The following DRAP1 variants were observed in gnomAD, a reference collection of about 807,000 sequenced individuals.
The protein encoded by DRAP1 is dr1-associated corepressor.
Under a neutral mutation model 24.1 loss-of-function variants are expected in DRAP1, and 10 were observed. The observed-to-expected ratio is 0.41, with a 90% CI of 0.26 to 0.70. The LOEUF (loss-of-function observed/expected upper bound fraction) is 0.70, where lower values mean the gene tolerates loss of function less well. Ranked by LOEUF, DRAP1 falls within the 30% of genes least tolerant of loss-of-function variation. The probability of loss-of-function intolerance (pLI) is 0.29; values close to 1 mark genes in which losing one functional copy is unlikely to be tolerated. For missense variants in DRAP1, 264 were observed against 275.6 expected (o/e 0.96, Z 0.30); for synonymous variants, 122 against 113.8 (o/e 1.07, Z -0.46).
chr11:65,920,852 C>T (rs764614235), intron 5 of DRAP1, 32 bp from the exon 6 acceptor site: 21 of 1,586,604 alleles, frequency 1.3e-5, no homozygotes, highest in East Asian at 2.2e-5. Context: ...CGTGTCTTTT[C>T]TTGTCAACTC....
At position 65,921,354 on chromosome 11, in the gene DRAP1, C is replaced by A; in HGVS notation, c.537C>A (p.Phe179Leu). 1 of 1,609,452 alleles carries A rather than the reference C, an allele frequency of 6.2e-7. No homozygotes were observed. Among genetic ancestry groups the A allele is most frequent in the Non-Finnish European group, 8.5e-7 (1 of 1,176,050 alleles). ...GCCCCCCGACACCCTTCCTGCCCTT[C>A]GCCTCTACTCTGCCTTTGCCCCCAG... ...FQSPPTPFLPFASTLPLPPAP... is the reference protein window; with the variant it reads ...FQSPPTPFLPLASTLPLPPAP... Residue 179 changes from phenylalanine to leucine, a missense_variant, in exon 7 of 7, where the codon TTC (phenylalanine) becomes TTA (leucine). Transcript: ENST00000312515.
chr11:65,919,932 C>T lies in DRAP1; in HGVS notation c.116-16C>T. 6.2e-7 allele frequency: 1 copy of T among 1,613,780 alleles called. No homozygotes were observed. The highest frequency in any genetic ancestry group is 8.5e-7 in the Non-Finnish European group (1 of 1,179,888). On this transcript the variant is annotated splice_polypyrimidine_tract_variant and intron_variant, in intron 2 of 6. Coordinates refer to ENST00000312515, the MANE Select transcript of DRAP1 (RefSeq NM_006442.4). ...TCGCCCTCTCCTGCCCCGGAGTTCTCCTTGACGCTCCTCAGCCCGGGCGCT... is the reference window on the plus strand; with the variant it reads ...TCGCCCTCTCCTGCCCCGGAGTTCTTCTTGACGCTCCTCAGCCCGGGCGCT...
chr11:65,920,282 C>G lies in DRAP1; in HGVS notation c.210-61C>G, dbSNP rs552804967. Reference sequence around the variant, plus strand: ...GACATCTGGGGCCCCTTGCTGCCACCCACTGCGGGTTTGGGTGTCTGGGCC... The same window carrying G: ...GACATCTGGGGCCCCTTGCTGCCACGCACTGCGGGTTTGGGTGTCTGGGCC... On this transcript the variant is annotated intron_variant, in intron 3 of 6. Transcript: ENST00000312515. 5.4e-5 allele frequency: 86 copies of G among 1,606,912 alleles called. No homozygotes were observed. In the East Asian group the frequency reaches 1.9e-3, roughly 35 times the overall value.
At chr11:65,921,274 CT>C in intron 6 of DRAP1, 55 bp from the exon 7 acceptor site, 2 of 1,071,350 alleles carry the variant, frequency 1.9e-6, no homozygotes, top group South Asian at 1.4e-5. Context: ...GCAGCTGCCC[CT>C]GTGGAGGGCA....
chr11:65,919,462 G>T lies in DRAP1; in HGVS notation c.-40G>T. 2 of 1,515,324 alleles carry T rather than the reference G, an allele frequency of 1.3e-6. No individual in the cohort carries two copies. Among genetic ancestry groups the T allele is most frequent in the South Asian group, 2.5e-5 (2 of 80,352 alleles). 93.9% of individuals were successfully genotyped at this position (1,515,324 alleles called of 1,614,324 possible). On this transcript the variant is annotated 5_prime_UTR_variant, in exon 1 of 7. Coordinates refer to ENST00000312515, the MANE Select transcript of DRAP1 (RefSeq NM_006442.4). The stretch of plus-strand genomic sequence containing the variant: ...AGGCCCGGGAGCCGGGAGGCTGCGG[G>T]CGGCGGCGCTGGACCCGACGCGGCG...
chr11:65,920,053 G>C lies in DRAP1; in HGVS notation c.209+12G>C. 1 of 1,611,996 alleles carries C rather than the reference G, an allele frequency of 6.2e-7. No individual in the cohort carries two copies. Reference sequence around the variant, plus strand: ...ACCACATCCCACCTGTGAGCGGCGAGGAGCCGGGAGGGGCCGGCGGGTTTG... The same window carrying C: ...ACCACATCCCACCTGTGAGCGGCGACGAGCCGGGAGGGGCCGGCGGGTTTG... On this transcript the variant is annotated intron_variant, in intron 3 of 6. Transcript: ENST00000312515.
intron 1 of DRAP1, 114 bp downstream of exon 1, chr11:65,919,657 C>T (rs867958994): frequency 6.6e-7 from 1 of 1,512,460 alleles, no homozygotes; most frequent in Non-Finnish European, 8.9e-7. Context: ...ACGCCCCGCC[C>T]CCTCCATGCC....
At chr11:65,920,793 T>C in intron 5 of DRAP1, 91 bp from the exon 6 acceptor site, 7 of 1,475,760 alleles carry the variant, frequency 4.7e-6, no homozygotes, top group Middle Eastern at 1.8e-4. Context: ...ATTTGTAAAT[T>C]GGGGCTATGA....
At position 65,920,558 on chromosome 11, in the gene DRAP1, C is replaced by T. The variant is rs1854535645; in HGVS notation, c.330-11C>T. On this transcript the variant is annotated splice_polypyrimidine_tract_variant and intron_variant, in intron 4 of 6. Coordinates refer to ENST00000312515, the MANE Select transcript of DRAP1 (RefSeq NM_006442.4). ...GAGCACTCCGGGCAGATGGACTGTA[C>T]CTTCCCAAAGGGGCCGGAAGCCAGG... is the stretch of plus-strand genomic sequence containing the variant. 6.3e-7 allele frequency: 1 copy of T among 1,599,650 alleles called. No individual in the cohort carries two copies. Among genetic ancestry groups the T allele is most frequent in the African/African-American group, 1.3e-5 (1 of 74,538 alleles).
chr11:65,919,640 G>T (rs1457292665), intron 1 of DRAP1, 97 bp downstream of exon 1: 2 of 1,530,566 alleles, frequency 1.3e-6, no homozygotes. Context: ...GGTGTTCGGG[G>T]GCCTGGACGC....
At position 65,919,444 on chromosome 11, in the gene DRAP1, G is replaced by GGAGCCGGGAGGCTGCGGGC; in HGVS notation, c.-56_-38dup. 6.6e-7 allele frequency: 1 copy of GGAGCCGGGAGGCTGCGGGC among 1,507,230 alleles called. No homozygotes were observed. The highest frequency in any genetic ancestry group is 1.3e-5 in the South Asian group (1 of 79,204). 93.4% of individuals were successfully genotyped at this position (1,507,230 alleles called of 1,614,324 possible). ...GACGGGCGGGCGGCGAGCAGGCCCG[G>GGAGCCGGGAGGCTGCGGGC]GAGCCGGGAGGCTGCGGGCGGCGGC... On this transcript the variant is annotated 5_prime_UTR_variant, in exon 1 of 7. Coordinates refer to ENST00000312515, the MANE Select transcript of DRAP1 (RefSeq NM_006442.4).
chr11:65,919,487 G>A lies in DRAP1; in HGVS notation c.-15G>A. On this transcript the variant is annotated 5_prime_UTR_variant, in exon 1 of 7. Coordinates refer to ENST00000312515, the MANE Select transcript of DRAP1 (RefSeq NM_006442.4). ...GCGGCGGCGCTGGACCCGACGCGGC[G>A]AGAGAGGCCCCGAGATGCCGAGCAA... 6.5e-7 allele frequency: 1 copy of A among 1,535,528 alleles called. No homozygotes were observed. The highest frequency in any genetic ancestry group is 1.2e-5 in the South Asian group (1 of 82,596).
intron 3 of DRAP1, 50 bp from the exon 4 acceptor site, chr11:65,920,293 T>G: frequency 6.2e-7 from 1 of 1,610,800 alleles, no homozygotes; most frequent in Middle Eastern, 1.7e-4. Context: ...CACTGCGGGT[T>G]TGGGTGTCTG....
At chr11:65,919,704 G>GGATGC in intron 1 of DRAP1, 76 bp from the exon 2 acceptor site, 1 of 1,587,676 alleles carries the variant, frequency 6.3e-7, no homozygotes, top group Non-Finnish European at 8.6e-7. Flanking sequence ...CTTTCTCCGG[G>GGATGC]GATGCCCCTT....
At chr11:65,920,994 G>T in intron 6 of DRAP1, 22 bp downstream of exon 6, 1 of 1,578,944 alleles carries the variant, frequency 6.3e-7, no homozygotes, top group Non-Finnish European at 8.6e-7. Flanking sequence ...AGAGGCATGG[G>T]AGGGTGCTGG....
Position 65,920,413 on chromosome 11 carries a change from CA to C in DRAP1, c.281del (p.Gln94ArgfsTer124). 1 of 1,614,098 alleles carries C rather than the reference CA, an allele frequency of 6.2e-7. No homozygotes were observed. The highest frequency in any genetic ancestry group is 1.3e-5 in the African/African-American group (1 of 75,058). ...KDLVASVPDM[Q>X]GDGEDNHMDG... is the part of the protein sequence containing the mutation. ...CCTGGTGGCATCTGTTCCCGACATG[CA>C]GGGGGACGGGGAAGACAACCACATG... On this transcript the variant is annotated frameshift_variant, in exon 4 of 7. Transcript: ENST00000312515. LOFTEE classifies it high-confidence loss of function.
rs148671709 is a variant in DRAP1, at chr11:65,921,436, C to T, written c.*1C>T. The T allele has an allele frequency of 5.7e-6, 9 of 1,572,970 alleles. No individual in the cohort carries two copies. Among genetic ancestry groups the T allele is most frequent in the South Asian group, 2.2e-5 (2 of 90,082 alleles). On this transcript the variant is annotated 3_prime_UTR_variant, in exon 7 of 7. Transcript: ENST00000312515. ...GGACGAAGAAGATTACGACTCCTAG[C>T]GCCTTCTGCCCCCCAGACCATAGCC...
chr11:65,921,030 C>G (rs1854544514), intron 6 of DRAP1, 58 bp downstream of exon 6: 12 of 1,336,538 alleles, frequency 9.0e-6, no homozygotes, highest in African/African-American at 1.5e-5. Context: ...CAACTTACCC[C>G]TCTTGTTCTC....
intron 6 of DRAP1, 22 bp downstream of exon 6, chr11:65,920,994 G>A (rs1854544109): frequency 6.3e-7 from 1 of 1,578,826 alleles, no homozygotes; most frequent in African/African-American, 1.4e-5. Flanking sequence ...AGAGGCATGG[G>A]AGGGTGCTGG....
Sources: allele counts gnomAD v4.1 joint callset, GRCh38; gene constraint gnomAD v4.1.1; transcripts MANE v1.5; gene names NCBI Gene and HGNC (gene_info 2026-07-23, HGNC 2026-07-21).